Variants in SPIDR observed in about 807,000 individuals in gnomAD.
SPIDR encodes DNA repair-scaffolding protein.
SPIDR carries 93 observed loss-of-function variants against 104.6 expected under a neutral mutation model. The ratio of observed to expected loss-of-function variants is 0.89; its 90% confidence interval spans 0.75 to 1.06. SPIDR has a LOEUF of 1.06. SPIDR is among the 50% of genes least tolerant of loss of function. The probability of loss-of-function intolerance (pLI) is 0.00; values close to 1 mark genes in which losing one functional copy is unlikely to be tolerated. For missense variants in SPIDR, 1,154 were observed against 1,111.2 expected (o/e 1.04, Z -0.55); for synonymous variants, 431 against 416.9 (o/e 1.03, Z -0.41).
At chr8:47,349,996 G>A (rs2053136066) in intron 5 of SPIDR, among the ~76,000 whole-genome samples, 1 of 152,168 alleles carries the variant, frequency 6.6e-6, no homozygotes, top group South Asian at 2.1e-4. Context: ...GCCAGTCCCA[G>A]TGAGATGAAC....
intron 5 of SPIDR, among the ~76,000 whole-genome samples, chr8:47,379,666 A>G (rs980668394): frequency 1.3e-5 from 2 of 152,222 alleles, no homozygotes; most frequent in Non-Finnish European, 2.9e-5. Context: ...TACTTACTGC[A>G]GACTCCTCGT....
rs750144964 is a variant in SPIDR, at chr8:47,727,229, G to C, written c.2371G>C (p.Ala791Pro). The C allele has an allele frequency of 1.9e-6, 3 of 1,614,140 alleles. No individual in the cohort carries two copies. In the South Asian group the frequency reaches 3.3e-5, roughly 18 times the overall value. ...GTVVGVDEST[A>P]FSWPVCDMCG... Reference sequence around the variant, plus strand: ...TGTGGTTGGCGTGGACGAGAGCACTGCTTTCTCATGGCCTGTGTGTGACAT... The same window carrying C: ...TGTGGTTGGCGTGGACGAGAGCACTCCTTTCTCATGGCCTGTGTGTGACAT... The change falls in exon 17 of 20, where the codon GCT (alanine) becomes CCT (proline). Residue 791 changes from alanine (A) to proline (P), a missense_variant. Coordinates refer to ENST00000297423, the MANE Select transcript of SPIDR (RefSeq NM_001080394.4).
chr8:47,315,138 C>T (rs759662201), intron 5 of SPIDR, among the ~76,000 whole-genome samples: 2 of 152,024 alleles, frequency 1.3e-5, no homozygotes, highest in Non-Finnish European at 2.9e-5. Flanking sequence ...TTTAACACTA[C>T]TCTGTAACTT....
chr8:47,310,413 G>A (rs1554584312), intron 5 of SPIDR, among the ~76,000 whole-genome samples: 1 of 151,590 alleles, frequency 6.6e-6, no homozygotes. Context: ...TTGGAGTTGT[G>A]CTTTTAATAA....
intron 7 of SPIDR, among the ~76,000 whole-genome samples, chr8:47,413,011 T>C (rs1476989411): frequency 6.6e-6 from 1 of 152,232 alleles, no homozygotes; most frequent in Non-Finnish European, 1.5e-5. Flanking sequence ...TATGAGAGAA[T>C]GGCAAGCTTG....
At chr8:47,290,887 G>A (rs909576083) in intron 3 of SPIDR, 146 bp from the exon 4 acceptor site, 17 of 495,288 alleles carry the variant, frequency 3.4e-5, no homozygotes, top group South Asian at 2.6e-4. Flanking sequence ...AGAACTTTAG[G>A]TAGGAAGATT....
intron 10 of SPIDR, among the ~76,000 whole-genome samples, chr8:47,627,463 CCTTTA>C (rs1380704952): frequency 1.3e-5 from 2 of 151,930 alleles, no homozygotes; most frequent in South Asian, 4.1e-4. Flanking sequence ...AAAATGTTTC[CCTTTA>C]CTTAAGAATT....
intron 7 of SPIDR, among the ~76,000 whole-genome samples, chr8:47,434,398 G>T (rs1233144236): frequency 1.3e-5 from 2 of 152,158 alleles, no homozygotes; most frequent in Admixed American, 6.5e-5. Flanking sequence ...GAAGACAAAA[G>T]TACCAATTTC....
intron 10 of SPIDR, among the ~76,000 whole-genome samples, chr8:47,608,417 T>C (rs564872576): frequency 6.6e-6 from 1 of 152,272 alleles, no homozygotes; most frequent in Admixed American, 6.5e-5. Context: ...TGCATACAAG[T>C]TTTTTGTGTG....
chr8:47,609,952 T>C (rs187386950), intron 10 of SPIDR, among the ~76,000 whole-genome samples: 5 of 152,308 alleles, frequency 3.3e-5, no homozygotes, highest in Non-Finnish European at 5.9e-5. Context: ...CAGACAATTA[T>C]GAAGTTTTGG....
intron 7 of SPIDR, among the ~76,000 whole-genome samples, chr8:47,425,171 A>T (rs889758062): frequency 5.9e-5 from 9 of 152,138 alleles, no homozygotes; most frequent in Non-Finnish European, 1.0e-4. Context: ...TGTTGTGTGA[A>T]GTAAATGCTT....
chr8:47,388,717 A>G (rs1485023809), intron 5 of SPIDR, among the ~76,000 whole-genome samples: 1 of 152,196 alleles, frequency 6.6e-6, no homozygotes, highest in Non-Finnish European at 1.5e-5. Context: ...CCATAACCCC[A>G]TGGCTGCCAG....
At chr8:47,733,946 G>A (rs1388224289) in intron 19 of SPIDR, among the ~76,000 whole-genome samples, 1 of 152,126 alleles carries the variant, frequency 6.6e-6, no homozygotes, top group African/African-American at 2.4e-5. Context: ...ACACTGAATA[G>A]GCACCACGCC....
chr8:47,323,395 A>T (rs2047122296), intron 5 of SPIDR, among the ~76,000 whole-genome samples: 1 of 152,066 alleles, frequency 6.6e-6, no homozygotes, highest in Admixed American at 6.6e-5. Context: ...ACCTGAGTTT[A>T]TTTCTGGTTG....
chr8:47,732,725 T>C (rs1247525189), intron 19 of SPIDR: 1 of 152,930 alleles, frequency 6.5e-6, no homozygotes, highest in Non-Finnish European at 1.5e-5. Context: ...TTCACCAAAA[T>C]TCAGAGAATC....
chr8:47,319,723 G>T (rs1328803513), intron 5 of SPIDR, among the ~76,000 whole-genome samples: 5 of 152,108 alleles, frequency 3.3e-5, no homozygotes, highest in African/African-American at 1.2e-4. Flanking sequence ...AATGTTAAAA[G>T]AACAGAAATT....
chr8:47,551,676 T>A (rs190277064), intron 8 of SPIDR, among the ~76,000 whole-genome samples: 115 of 152,324 alleles, frequency 7.5e-4, no homozygotes, highest in African/African-American at 2.4e-3. Context: ...TCTTTATCAG[T>A]CTTGCTAGCG....
At chr8:47,344,431 G>A (rs551755702) in intron 5 of SPIDR, among the ~76,000 whole-genome samples, 20 of 152,264 alleles carry the variant, frequency 1.3e-4, no homozygotes, top group African/African-American at 4.6e-4. Context: ...GTAAACATCC[G>A]TGTGTATGTG....
In SPIDR at chr8:47,594,196, CAAAAAAAAAAAA is replaced by C. The variant is rs372928071; in HGVS notation, c.1098-1600_1098-1589del. On this transcript the variant is annotated intron_variant, in intron 8 of 19. Coordinates refer to ENST00000297423, the MANE Select transcript of SPIDR (RefSeq NM_001080394.4). ...TCACCATGATGAAACCCAGTCTCTA[CAAAAAAAAAAAA>C]AAAAAAAAAAAAAAGAATTAGCTGG... Among the ~76,000 whole-genome samples the C allele has an allele frequency of 5.4e-4, 29 of 53,586 alleles. 1 individual carries two copies. Among genetic ancestry groups the C allele is most frequent in the Non-Finnish European group, 6.9e-4 (22 of 31,660 alleles). The allele number at this position is 53,586 out of a possible 152,430, so 35.2% of individuals were successfully genotyped here.
Sources: gnomAD v4.1 joint callset for allele counts (sites outside exome capture counted in the v4.1 genomes callset) on GRCh38, gnomAD v4.1.1 for gene constraint, MANE v1.5 for transcripts, NCBI Gene and HGNC (gene_info 2026-07-23, HGNC 2026-07-21) for gene names.